C10orf90: variants seen among roughly 807,000 people sequenced by gnomAD.
C10orf90 encodes the protein chromosome 10 open reading frame 90.
A neutral mutation model predicts 62.5 loss-of-function variants in C10orf90; 56 were observed. The ratio of observed to expected loss-of-function variants is 0.90; its 90% CI spans 0.72 to 1.12. C10orf90 has a LOEUF of 1.12. Among genes scored for constraint, C10orf90 ranks in the 50% most tolerant of loss-of-function variants. The probability of loss-of-function intolerance (pLI) is 0.00; values close to 1 mark genes in which losing one functional copy is unlikely to be tolerated. For missense variants in C10orf90, 970 were observed against 880.4 expected (o/e 1.10, Z -1.29); for synonymous variants, 386 against 340.4 (o/e 1.13, Z -1.47).
intron 2 of C10orf90, among the ~76,000 whole-genome samples, chr10:126,592,833 G>A (rs1028032688): frequency 2.0e-5 from 3 of 150,772 alleles, no homozygotes; most frequent in Non-Finnish European, 4.5e-5. Flanking sequence ...CGAGGAACTT[G>A]TATTTACAAA....
intron 2 of C10orf90, among the ~76,000 whole-genome samples, chr10:126,590,974 C>T (rs2134027963): frequency 6.6e-6 from 1 of 152,162 alleles, no homozygotes; most frequent in Non-Finnish European, 1.5e-5. Context: ...GACACATACA[C>T]CCTCCCAAGA....
At chr10:126,626,189 G>A (rs1249078382) in intron 2 of C10orf90, among the ~76,000 whole-genome samples, 5 of 149,768 alleles carry the variant, frequency 3.3e-5, no homozygotes, top group Non-Finnish European at 7.4e-5. Flanking sequence ...TGGTAAATAA[G>A]CCCCTCTCTT....
chr10:126,464,620 G>T, intron 5 of C10orf90, 76 bp downstream of exon 5: 2 of 1,426,156 alleles, frequency 1.4e-6, no homozygotes, highest in South Asian at 1.3e-5. Flanking sequence ...GTATGCACGA[G>T]GTCCAGGTAG....
At chr10:126,482,926 G>A (rs1350281111) in intron 4 of C10orf90, among the ~76,000 whole-genome samples, 1 of 152,162 alleles carries the variant, frequency 6.6e-6, no homozygotes, top group Admixed American at 6.5e-5. Context: ...GTTAGGCTTG[G>A]GGGACCCTTA....
chr10:126,632,268 G>GC (rs1416883128), intron 2 of C10orf90, among the ~76,000 whole-genome samples: 2 of 151,922 alleles, frequency 1.3e-5, no homozygotes, highest in African/African-American at 2.4e-5. Flanking sequence ...AGCAAGGAGG[G>GC]TGACACAGGC....
chr10:126,557,331 A>C (rs1224203129), intron 2 of C10orf90, among the ~76,000 whole-genome samples: 1 of 151,928 alleles, frequency 6.6e-6, no homozygotes, highest in Non-Finnish European at 1.5e-5. Flanking sequence ...AATACAAAAA[A>C]TTAGCTGGGT....
In C10orf90 at chr10:126,453,065, A is replaced by T. The variant is rs1859307076; in HGVS notation, c.2188+5975T>A. Among the ~76,000 whole-genome samples, 1 of 152,186 alleles carries T rather than the reference A, an allele frequency of 6.6e-6. No homozygotes were observed. The highest frequency in any genetic ancestry group is 2.4e-5 in the African/African-American group (1 of 41,438). Reference sequence around the variant, plus strand: ...CTTCAGCTAGATGCTCTGGGAATCCAAATTAATTTTAATACTTGCTCCAAC... The same window carrying T: ...CTTCAGCTAGATGCTCTGGGAATCCTAATTAATTTTAATACTTGCTCCAAC... On this transcript the variant is annotated intron_variant, in intron 7 of 9. Coordinates refer to ENST00000488181, the MANE Select transcript of C10orf90 (RefSeq NM_001350921.2). This position sits in a 1 kb window ranked among gnomAD's most constrained non-coding sequence, Gnocchi z 4.9.
At position 126,504,850 on chromosome 10, in the gene C10orf90, C is replaced by G. The variant is rs1245282629; in HGVS notation, c.641G>C (p.Gly214Ala). Residue 214 changes from glycine (G) to alanine (A), a missense_variant, in exon 4 of 10, where the codon GGA becomes GCA. Transcript: ENST00000488181. The surrounding 1 kb of genome is among the most constrained non-coding windows in gnomAD (Gnocchi z 4.1). ...LGIPAPSDERGPEAELPPKEE... is the reference protein window; with the variant it reads ...LGIPAPSDERAPEAELPPKEE... ...TTTGGGCGGCAGCTCTGCCTCAGGT[C>G]CTCGCTCATCTGACGGTGCCGGGAT... 34 of 1,610,538 alleles carry G rather than the reference C, an allele frequency of 2.1e-5. No homozygotes were observed. The highest frequency in any genetic ancestry group is 2.8e-5 in the Non-Finnish European group (33 of 1,177,948).
At chr10:126,625,225 C>T (rs1459138077) in intron 2 of C10orf90, among the ~76,000 whole-genome samples, 1 of 152,162 alleles carries the variant, frequency 6.6e-6, no homozygotes, top group African/African-American at 2.4e-5. Context: ...TGCTGGGAGC[C>T]CCTGAGCCTC....
intron 2 of C10orf90, among the ~76,000 whole-genome samples, chr10:126,529,149 G>T (rs1328663103): frequency 6.6e-6 from 1 of 151,896 alleles, no homozygotes; most frequent in Non-Finnish European, 1.5e-5. Flanking sequence ...AATTACGCTG[G>T]GACAATTAGC....
intron 4 of C10orf90, among the ~76,000 whole-genome samples, chr10:126,479,007 C>A (rs1861039407): frequency 1.3e-5 from 2 of 152,168 alleles, no homozygotes; most frequent in South Asian, 4.1e-4. Context: ...CCTTAAACAC[C>A]TTGGTCAGAT....
intron 1 of C10orf90, among the ~76,000 whole-genome samples, chr10:126,649,498 C>T (rs556009352): frequency 6.6e-6 from 1 of 152,230 alleles, no homozygotes; most frequent in South Asian, 2.1e-4. Context: ...ACAGGGCCCT[C>T]GCACGCATTG....
chr10:126,665,197 C>T (rs539018432), intron 1 of C10orf90, among the ~76,000 whole-genome samples: 1 of 152,292 alleles, frequency 6.6e-6, no homozygotes, highest in Non-Finnish European at 1.5e-5. Flanking sequence ...AGAGTCTTCA[C>T]TGCAGTCAGA....
intron 2 of C10orf90, among the ~76,000 whole-genome samples, chr10:126,634,674 T>C (rs949287837): frequency 1.3e-5 from 2 of 152,336 alleles, no homozygotes; most frequent in Non-Finnish European, 2.9e-5. Context: ...GAGTGTCTTA[T>C]ATCTATTACG....
At chr10:126,430,066 T>G (rs1452421409) in intron 7 of C10orf90, among the ~76,000 whole-genome samples, 1 of 152,204 alleles carries the variant, frequency 6.6e-6, no homozygotes, top group African/African-American at 2.4e-5. Context: ...AATAAGGACG[T>G]GAAGTACAAT....
At chr10:126,563,789 G>A (rs1280179850) in intron 2 of C10orf90, among the ~76,000 whole-genome samples, 2 of 152,196 alleles carry the variant, frequency 1.3e-5, no homozygotes, top group African/African-American at 2.4e-5. Flanking sequence ...GGCAGCTGAT[G>A]GACATCCTGC....
At chr10:126,498,053 A>G (rs1329544255) in intron 4 of C10orf90, among the ~76,000 whole-genome samples, 1 of 152,160 alleles carries the variant, frequency 6.6e-6, no homozygotes, top group African/African-American at 2.4e-5. Context: ...CCATCGTAAG[A>G]TTGTTTACCT....
At chr10:126,532,604 G>A (rs1231684812) in intron 2 of C10orf90, among the ~76,000 whole-genome samples, 3 of 151,742 alleles carry the variant, frequency 2.0e-5, no homozygotes, top group South Asian at 2.1e-4. Flanking sequence ...TTGGGAGGCC[G>A]AGGAGGGCAG....
chr10:126,483,546 T>C (rs1036438841), intron 4 of C10orf90, among the ~76,000 whole-genome samples: 2 of 152,238 alleles, frequency 1.3e-5, no homozygotes, highest in Non-Finnish European at 2.9e-5. Flanking sequence ...CGGTGATATT[T>C]TAGCCTAGTC....
Sources: gnomAD v4.1 joint callset for allele counts (sites outside exome capture counted in the v4.1 genomes callset) on GRCh38, gnomAD v4.1.1 for gene constraint, Gnocchi (gnomAD v3.1) non-coding constraint, MANE v1.5 for transcripts, NCBI Gene and HGNC (gene_info 2026-07-23, HGNC 2026-07-21) for gene names.